Variants in SLC23A2 observed in about 807,000 individuals in gnomAD.
SLC23A2 encodes solute carrier family 23 member 2.
Under a neutral mutation model 73.3 loss-of-function variants are expected in SLC23A2, and 36 were observed. The observed-to-expected ratio is 0.49, with a 90% CI of 0.38 to 0.65. The LOEUF is 0.65. Among genes scored for constraint, SLC23A2 ranks in the 30% least tolerant of loss-of-function variants. The pLI is 0.00. For synonymous variants in SLC23A2, 343 were observed against 327.3 expected (o/e 1.05, Z -0.52); for missense variants, 507 against 841.6 (o/e 0.60, Z 4.92).
Position 4,854,577 on chromosome 20 carries a change from GA to G in SLC23A2, c.*2394del, listed in dbSNP as rs1246691970. On this transcript the variant is annotated 3_prime_UTR_variant, in exon 17 of 17. Transcript: ENST00000338244. ...CAGAATTATTGGGTTGGCCACAGTG[GA>G]ATCAGAACAGGAAACTCTCACTCCA... The G allele has an allele frequency of 3.3e-5, 5 of 152,210 alleles. No individual in the cohort carries two copies. Among genetic ancestry groups the G allele is most frequent in the Admixed American group, 6.5e-5 (1 of 15,278 alleles). 9.4% of individuals were successfully genotyped at this position (152,210 alleles called of 1,614,324 possible).
chr20:4,900,494 G>A (rs1398146061), intron 5 of SLC23A2, among the ~76,000 whole-genome samples: 1 of 152,134 alleles, frequency 6.6e-6, no homozygotes, highest in Non-Finnish European at 1.5e-5. Flanking sequence ...ATTTTATACA[G>A]AATTTTGCAT....
rs1326377182 is a variant in SLC23A2, at chr20:4,857,872, A to G, written c.1721-668T>C. Among the ~76,000 whole-genome samples, 1 of 152,200 alleles carries G rather than the reference A, an allele frequency of 6.6e-6. No homozygotes were observed. Among genetic ancestry groups the G allele is most frequent in the African/African-American group, 2.4e-5 (1 of 41,448 alleles). ...CTTGAACCCGAGAGGCAGAGACTGC[A>G]GTGAGCTGAGATCATGCCATTGCAC... On this transcript the variant is annotated intron_variant, in intron 16 of 16. Coordinates refer to ENST00000338244, the MANE Select transcript of SLC23A2 (RefSeq NM_005116.6). The surrounding 1 kb of genome is among the most constrained non-coding windows in gnomAD (Gnocchi z 4.0).
rs1931802802 is a variant in SLC23A2 at position 4,902,912 on chromosome 20, G to A, written c.208-354C>T. On this transcript the variant is annotated intron_variant, in intron 4 of 16. Coordinates refer to ENST00000338244, the MANE Select transcript of SLC23A2 (RefSeq NM_005116.6). This position sits in a 1 kb window ranked among gnomAD's most constrained non-coding sequence, Gnocchi z 4.0. ...TGATACCTTGGCACGAGCAGTCCTT[G>A]CGTGAGACCCCAGATGAAAAAAATC... Among the ~76,000 whole-genome samples, 1 of 152,026 alleles carries A rather than the reference G, an allele frequency of 6.6e-6. No homozygotes were observed.
At chr20:4,897,238 C>T (rs1403989186) in intron 6 of SLC23A2, among the ~76,000 whole-genome samples, 1 of 152,208 alleles carries the variant, frequency 6.6e-6, no homozygotes, top group African/African-American at 2.4e-5. Flanking sequence ...TAGAAAACCC[C>T]TATCACAAGC....
At chr20:4,956,014 A>G (rs2087283045) in intron 2 of SLC23A2, among the ~76,000 whole-genome samples, 1 of 152,170 alleles carries the variant, frequency 6.6e-6, no homozygotes, top group Admixed American at 6.5e-5. Flanking sequence ...GTATGTATGT[A>G]TGGTTAGAAA....
intron 2 of SLC23A2, among the ~76,000 whole-genome samples, chr20:4,934,781 C>G (rs1328870998): frequency 6.6e-6 from 1 of 151,110 alleles, no homozygotes; most frequent in Non-Finnish European, 1.5e-5. Flanking sequence ...GAGGATCACT[C>G]GAACCTGGGA....
chr20:4,938,091 C>A (rs138117108), intron 2 of SLC23A2, among the ~76,000 whole-genome samples: 1 of 146,802 alleles, frequency 6.8e-6, no homozygotes, highest in Admixed American at 6.9e-5. Flanking sequence ...AGTGCAGTGG[C>A]GCGATCACAG....
chr20:5,001,947 TTAGG>T (rs1280789800), upstream of SLC23A2, among the ~76,000 whole-genome samples: 2 of 152,096 alleles, frequency 1.3e-5, no homozygotes, highest in Non-Finnish European at 2.9e-5. Flanking sequence ...GCTTCTCCAC[TTAGG>T]TAGCCAGTTT....
chr20:4,955,244 GA>G (rs1315096905), intron 2 of SLC23A2, among the ~76,000 whole-genome samples: 14 of 151,384 alleles, frequency 9.2e-5, no homozygotes, highest in Non-Finnish European at 2.1e-4. Flanking sequence ...ACAGAGTTAA[GA>G]CCCTATCTCT....
chr20:4,884,839 A>T lies in SLC23A2; in HGVS notation c.572-16T>A. 2.6e-6 allele frequency: 4 copies of T among 1,517,538 alleles called. No individual in the cohort carries two copies. The highest frequency in any genetic ancestry group is 3.6e-6 in the Non-Finnish European group (4 of 1,124,240). 94.0% of individuals were successfully genotyped at this position (1,517,538 alleles called of 1,614,324 possible). On this transcript the variant is annotated splice_polypyrimidine_tract_variant and intron_variant, in intron 7 of 16. Coordinates refer to ENST00000338244, the MANE Select transcript of SLC23A2 (RefSeq NM_005116.6). Reference sequence around the variant, plus strand: ...ACTGAAACATCTTGAAAACAAAAACAAAGTTTTTCTTGGAGTGACACTGAT... The same window carrying T: ...ACTGAAACATCTTGAAAACAAAAACTAAGTTTTTCTTGGAGTGACACTGAT...
intron 2 of SLC23A2, among the ~76,000 whole-genome samples, chr20:4,954,526 G>A (rs547622322): frequency 2.4e-4 from 36 of 151,992 alleles, no homozygotes; most frequent in African/African-American, 8.2e-4. Context: ...GTGAAATCCC[G>A]TCTCTACTAA....
intron 3 of SLC23A2, among the ~76,000 whole-genome samples, chr20:4,917,611 C>A (rs1932370330): frequency 6.6e-6 from 1 of 152,134 alleles, no homozygotes; most frequent in African/African-American, 2.4e-5. Context: ...CCAGGCTAGT[C>A]CAGGAAGTTT....
chr20:5,000,530 G>T (rs548819986), intron 1 of SLC23A2, among the ~76,000 whole-genome samples: 1 of 152,256 alleles, frequency 6.6e-6, no homozygotes, highest in South Asian at 2.1e-4. Context: ...AGCACTGCAA[G>T]AATAGAAGTA....
At chr20:4,937,995 T>A (rs958328053) in intron 2 of SLC23A2, among the ~76,000 whole-genome samples, 1 of 150,698 alleles carries the variant, frequency 6.6e-6, no homozygotes, top group African/African-American at 2.4e-5. Context: ...CTCATCAACA[T>A]CACAACAGCC....
chr20:4,986,402 C>T (rs1310683004), intron 1 of SLC23A2, among the ~76,000 whole-genome samples: 7 of 152,092 alleles, frequency 4.6e-5, no homozygotes, highest in Non-Finnish European at 1.0e-4. Context: ...CAACCTCCGC[C>T]TCCTGGATTC....
At chr20:4,893,141 T>C (rs377557138) in intron 6 of SLC23A2, among the ~76,000 whole-genome samples, 1 of 151,962 alleles carries the variant, frequency 6.6e-6, no homozygotes, top group South Asian at 2.1e-4. Context: ...CATGGCTCAG[T>C]GAAGCCTCAT....
At chr20:5,005,413 C>G (rs1258658793), upstream of SLC23A2, among the ~76,000 whole-genome samples, 1 of 151,832 alleles carries the variant, frequency 6.6e-6, no homozygotes, top group Admixed American at 6.6e-5. Flanking sequence ...TTCCTCCTCC[C>G]TTAACTTCTC....
At chr20:4,870,427 A>T (rs914611156) in intron 11 of SLC23A2, among the ~76,000 whole-genome samples, 5 of 152,094 alleles carry the variant, frequency 3.3e-5, no homozygotes, top group Non-Finnish European at 5.9e-5. Context: ...AAATACAAAA[A>T]TTAGCCAGGC....
At position 4,874,693 on chromosome 20, in the gene SLC23A2, T is replaced by G. The variant is rs755074841; in HGVS notation, c.828A>C (p.Thr276=). The part of the protein sequence containing the change: ...AGKHWGIAML[T]IFLVLLFSQY... Reference sequence around the variant, plus strand: ...GAGAAAACAGTAATACTAGGAATATTGTCCTGAGGAGAGAAAGAAAACAAA... The same window carrying G: ...GAGAAAACAGTAATACTAGGAATATGGTCCTGAGGAGAGAAAGAAAACAAA... The change falls in exon 10 of 17, where the codon ACA becomes ACC. Residue 276 remains threonine, a synonymous_variant. Transcript: ENST00000338244. 28 of 1,593,904 alleles carry G rather than the reference T, an allele frequency of 1.8e-5. No homozygotes were observed. Among genetic ancestry groups the G allele is most frequent in the Non-Finnish European group, 2.4e-5 (28 of 1,170,266 alleles).
Sources: allele counts gnomAD v4.1 joint callset (sites outside exome capture counted in the v4.1 genomes callset), GRCh38; gene constraint gnomAD v4.1.1; non-coding constraint Gnocchi (gnomAD v3.1); transcripts MANE v1.5; gene names NCBI Gene and HGNC (gene_info 2026-07-23, HGNC 2026-07-21).